Variants in ZNF711 observed in about 807,000 individuals in gnomAD.
The protein encoded by ZNF711 is ZFX family zinc finger ZNF711.
A neutral mutation model predicts 43.5 loss-of-function variants in ZNF711; 3 were observed. The ratio of observed to expected loss-of-function variants is 0.07; its 90% confidence interval spans 0.03 to 0.18. ZNF711 has a LOEUF of 0.18. Among genes scored for constraint, ZNF711 ranks in the 10% least tolerant of loss-of-function variants. The pLI is 1.00. For synonymous variants in ZNF711, 209 were observed against 207.7 expected, an observed-to-expected ratio of 1.01 and a Z score of -0.06; for missense variants, 412 against 604.0, an observed-to-expected ratio of 0.68 and a Z score of 3.33.
In ZNF711 at chrX:85,270,000, C is replaced by A. The variant is rs1931437832; in HGVS notation, c.1103-3C>A. On this transcript the variant is annotated splice_region_variant and splice_polypyrimidine_tract_variant and intron_variant, in intron 9 of 10. Transcript: ENST00000674551. Reference sequence around the variant, plus strand: ...TTAATGATGTTTCAATTTTTTTTTCCAGGAAATACTTTGGACTCAGCATTA... The same window carrying A: ...TTAATGATGTTTCAATTTTTTTTTCAAGGAAATACTTTGGACTCAGCATTA... The A allele has an allele frequency of 1.7e-6, 2 of 1,206,168 alleles. No homozygotes were observed. Among genetic ancestry groups the A allele is most frequent in the Non-Finnish European group, 2.2e-6 (2 of 893,409 alleles).
In ZNF711 at chrX:85,264,259, T is replaced by C; in HGVS notation, c.623-16T>C. The C allele has an allele frequency of 8.5e-7, 1 of 1,171,675 alleles. No homozygotes were observed. Among genetic ancestry groups the C allele is most frequent in the Non-Finnish European group, 1.2e-6 (1 of 862,399 alleles). ...TGGTATTTTTTGACTGAAATAATTT[T>C]GTTTATATTTTATAGTGGATGATGT... On this transcript the variant is annotated splice_polypyrimidine_tract_variant and intron_variant, in intron 5 of 10. Transcript: ENST00000674551.
intron 5 of ZNF711, among the ~76,000 whole-genome samples, chrX:85,258,388 T>C (rs1466352481): frequency 9.1e-6 from 1 of 110,381 alleles, no homozygotes; most frequent in East Asian, 2.9e-4. Context: ...GGGTTGTGGG[T>C]GGTGAAGGAT....
chrX:85,268,222 G>A, intron 8 of ZNF711, 72 bp from the exon 9 acceptor site: 1 of 1,080,577 alleles, frequency 9.3e-7, no homozygotes, highest in Non-Finnish European at 1.2e-6. Context: ...ATTAAGATGT[G>A]ATCCACTAGT....
intron 5 of ZNF711, among the ~76,000 whole-genome samples, chrX:85,256,899 G>A (rs1040221656): frequency 1.8e-5 from 2 of 111,066 alleles, no homozygotes; most frequent in African/African-American, 6.5e-5. Flanking sequence ...ACATCTTAAC[G>A]TGGCATTTTT....
intron 5 of ZNF711, among the ~76,000 whole-genome samples, chrX:85,259,212 T>C (rs911355400): frequency 9.0e-6 from 1 of 111,313 alleles, no homozygotes; most frequent in African/African-American, 3.3e-5. Context: ...TAGATGGTTG[T>C]AGTTATGTGG....
intron 1 of ZNF711, chrX:85,244,734 A>AGG (rs1361335503): frequency 1.1e-5 from 1 of 88,362 alleles, no homozygotes; most frequent in African/African-American, 4.2e-5. Flanking sequence ...AGTTGGGGGG[A>AGG]GGGGGGGGGC....
At position 85,249,341 on chromosome X, in the gene ZNF711, T is replaced by A. The variant is rs1479364277; in HGVS notation, c.79+1690T>A. On this transcript the variant is annotated intron_variant, in intron 4 of 10. Transcript: ENST00000674551. Reference sequence around the variant, plus strand: ...GAAATGTCAACTTTAATTTTTTACCTTTTAAAATAAGATATTTTTAAAATG... The same window carrying A: ...GAAATGTCAACTTTAATTTTTTACCATTTAAAATAAGATATTTTTAAAATG... Among the ~76,000 whole-genome samples, 5 of 112,157 alleles carry A rather than the reference T, an allele frequency of 4.5e-5. No individual in the cohort carries two copies. The Admixed American group carries it at 4.7e-4, about 11-fold the overall frequency.
At chrX:85,251,500 C>T (rs919794787) in intron 4 of ZNF711, among the ~76,000 whole-genome samples, 5 of 111,181 alleles carry the variant, frequency 4.5e-5, no homozygotes, top group Non-Finnish European at 9.4e-5. Context: ...TGCTGTCATT[C>T]TGGTGATGTT....
chrX:85,262,778 T>G (rs1307257401), intron 5 of ZNF711, among the ~76,000 whole-genome samples: 1 of 110,612 alleles, frequency 9.0e-6, no homozygotes, highest in Non-Finnish European at 1.9e-5. Flanking sequence ...ATCACAAAGT[T>G]AAAGTAGCTC....
intron 5 of ZNF711, among the ~76,000 whole-genome samples, chrX:85,259,155 T>C (rs1312896702): frequency 3.6e-5 from 4 of 111,343 alleles, no homozygotes; most frequent in Non-Finnish European, 7.6e-5. Context: ...ATTTATTGAA[T>C]AGGGAGTCCT....
intron 1 of ZNF711, chrX:85,244,684 A>T (rs1928850667): frequency 9.1e-6 from 1 of 109,551 alleles, no homozygotes; most frequent in African/African-American, 3.3e-5. Context: ...AGTGGCACCG[A>T]ATCGGCATTT....
chrX:85,271,899 T>G lies in ZNF711; in HGVS notation c.*71T>G, dbSNP rs183230087. 2.6e-5 allele frequency: 23 copies of G among 874,574 alleles called. No homozygotes were observed. In the African/African-American group the frequency reaches 4.0e-4, roughly 15 times the overall value. 72.1% of individuals were successfully genotyped at this position (874,574 alleles called of 1,213,427 possible). ...TACTTGGGAGAAAACTCTCACTAAC[T>G]GTCTCACCGGGTTTCAAAGCTTGAT... On this transcript the variant is annotated 3_prime_UTR_variant, in exon 11 of 11. Transcript: ENST00000674551.
intron 9 of ZNF711, among the ~76,000 whole-genome samples, chrX:85,268,662 CATG>C (rs1698427732): frequency 1.8e-5 from 2 of 111,275 alleles, no homozygotes; most frequent in Non-Finnish European, 3.8e-5. Context: ...AAAAATTATT[CATG>C]ATATCAACCC....
At chrX:85,264,979 A>G (rs1048228018) in intron 6 of ZNF711, 139 bp from the exon 7 acceptor site, 2 of 549,618 alleles carry the variant, frequency 3.6e-6, no homozygotes. Context: ...TATAATTTAT[A>G]TGAAAATGTT....
At position 85,271,361 on chromosome X, in the gene ZNF711, C is replaced by T; in HGVS notation, c.1957C>T (p.Arg653Trp). 2.5e-6 allele frequency: 3 copies of T among 1,210,138 alleles called. No individual in the cohort carries two copies. Among genetic ancestry groups the T allele is most frequent in the Non-Finnish European group, 3.4e-6 (3 of 894,707 alleles). Residue 653 changes from arginine to tryptophan, a missense_variant, in exon 11 of 11, where the codon CGG (arginine) becomes TGG (tryptophan). Arg to Trp is a moderately radical substitution (Grantham distance 101). This residue lies in a region of ZNF711 where 375 missense variants were observed against 514.2 expected (regional missense o/e 0.73). Coordinates refer to ENST00000674551, the MANE Select transcript of ZNF711 (RefSeq NM_001330574.2). The part of the protein sequence containing the change: ...HKSTNSSDLK[R>W]HIISVHTKDF... ...GAGCACCAATTCAAGTGACCTTAAG[C>T]GGCACATCATATCTGTCCATACTAA...
At chrX:85,268,261 A>G in intron 8 of ZNF711, 33 bp from the exon 9 acceptor site, 1 of 1,107,308 alleles carries the variant, frequency 9.0e-7, no homozygotes, top group Non-Finnish European at 1.2e-6. Flanking sequence ...ATCAGTTTGT[A>G]ATTGGTCTTT....
intron 2 of ZNF711, among the ~76,000 whole-genome samples, chrX:85,246,263 A>G (rs1312116173): frequency 8.9e-6 from 1 of 112,269 alleles, no homozygotes; most frequent in African/African-American, 3.2e-5. Flanking sequence ...CTCATTTTGC[A>G]TAATAGCAAA....
chrX:85,255,173 A>G, intron 4 of ZNF711, 86 bp from the exon 5 acceptor site: 1 of 898,311 alleles, frequency 1.1e-6, no homozygotes, highest in Non-Finnish European at 1.6e-6. Flanking sequence ...TATTTAAGAA[A>G]TATTTATAGC....
At chrX:85,264,796 C>G (rs1001703418) in intron 6 of ZNF711, among the ~76,000 whole-genome samples, 1 of 110,397 alleles carries the variant, frequency 9.1e-6, no homozygotes, top group African/African-American at 3.3e-5. Context: ...ACTTAACCCC[C>G]TTCTGTCTGT....
Sources: gnomAD v4.1 joint callset for allele counts (sites outside exome capture counted in the v4.1 genomes callset) on GRCh38, gnomAD v4.1.1 for gene constraint, gnomAD v4.1.1 regional missense constraint, MANE v1.5 for transcripts, NCBI Gene and HGNC (gene_info 2026-07-23, HGNC 2026-07-21) for gene names.